Variants in C11orf65 observed in about 807,000 individuals in gnomAD.
C11orf65 encodes protein MFI.
A neutral mutation model predicts 35.3 loss-of-function variants in C11orf65; 38 were observed. The observed-to-expected ratio is 1.08, with a 90% CI of 0.83 to 1.41. The LOEUF (loss-of-function observed/expected upper bound fraction) is 1.41. C11orf65 is among the 40% of genes most tolerant of loss of function. The pLI, the probability that C11orf65 is intolerant of heterozygous loss-of-function variation, is 0.00. For synonymous variants in C11orf65, 105 were observed against 114.4 expected (o/e 0.92, Z 0.53); for missense variants, 370 against 367.1 (o/e 1.01, Z -0.06).
rs11518205 is a variant in C11orf65, at chr11:108,448,540, A to T, written c.81+12939T>A. Among the ~76,000 whole-genome samples, 921 of 152,316 alleles carry T rather than the reference A, an allele frequency of 6.0e-3. 6 individuals are homozygous for T. The highest frequency in any genetic ancestry group is 0.011 in the East Asian group (55 of 5,190). On this transcript the variant is annotated intron_variant, in intron 2 of 8. Coordinates refer to ENST00000393084, the MANE Select transcript of C11orf65 (RefSeq NM_152587.5). ...CAGAACCAAAGACAAAAAACACATGATTATCTCAATAGATTCAGAAAAGGC... is the reference window on the plus strand; with the variant it reads ...CAGAACCAAAGACAAAAAACACATGTTTATCTCAATAGATTCAGAAAAGGC...
At chr11:108,447,980 C>T (rs1402558686) in intron 2 of C11orf65, among the ~76,000 whole-genome samples, 1 of 152,176 alleles carries the variant, frequency 6.6e-6, no homozygotes, top group Admixed American at 6.5e-5. Flanking sequence ...GAAATACAAA[C>T]TACCATCAGA....
chr11:108,332,947 C>G (rs2136578664), intron 3 of C11orf65: 1 of 1,584,414 alleles, frequency 6.3e-7, no homozygotes, highest in Non-Finnish European at 8.6e-7. Flanking sequence ...CTGTGTTACT[C>G]TCTGTAGAGA....
intron 2 of C11orf65, among the ~76,000 whole-genome samples, chr11:108,341,612 G>A (rs923682259): frequency 1.3e-5 from 2 of 152,088 alleles, no homozygotes; most frequent in South Asian, 2.1e-4. Flanking sequence ...ATTTAAAAAT[G>A]TATAGAACTA....
At chr11:108,390,239 T>G (rs1434508746) in intron 7 of C11orf65, among the ~76,000 whole-genome samples, 1 of 151,852 alleles carries the variant, frequency 6.6e-6, no homozygotes, top group South Asian at 2.1e-4. Flanking sequence ...TTAGCCAGGA[T>G]AGTCTCGATC....
intron 1 of C11orf65, among the ~76,000 whole-genome samples, chr11:108,463,509 T>C (rs1405155096): frequency 6.6e-6 from 1 of 152,194 alleles, no homozygotes; most frequent in Non-Finnish European, 1.5e-5. Flanking sequence ...ATAGGAGGCA[T>C]GGGAAGACAG....
intron 6 of C11orf65, among the ~76,000 whole-genome samples, chr11:108,401,704 A>T (rs1251956244): frequency 6.6e-6 from 1 of 152,032 alleles, no homozygotes; most frequent in Middle Eastern, 3.2e-3. Flanking sequence ...AGTCCTTTGG[A>T]TGTTAATCCG....
chr11:108,341,447 G>A (rs1218788260), intron 2 of C11orf65, among the ~76,000 whole-genome samples: 1 of 152,008 alleles, frequency 6.6e-6, no homozygotes, highest in Non-Finnish European at 1.5e-5. Flanking sequence ...GAAACTTTAT[G>A]AGGGCATAGT....
chr11:108,446,539 A>G, intron 2 of C11orf65, among the ~76,000 whole-genome samples: 1 of 151,804 alleles, frequency 6.6e-6, no homozygotes, highest in South Asian at 2.1e-4. Flanking sequence ...ACTAAGCTTC[A>G]TCAGTGAAGG....
At chr11:108,460,347 A>G (rs769965148) in intron 2 of C11orf65, among the ~76,000 whole-genome samples, 178 of 152,256 alleles carry the variant, frequency 1.2e-3, no homozygotes, top group Non-Finnish European at 2.2e-3. Flanking sequence ...GAGTGAGGTC[A>G]TTTTACCTCT....
At chr11:108,463,297 A>C (rs2093494072) in intron 1 of C11orf65, among the ~76,000 whole-genome samples, 1 of 152,218 alleles carries the variant, frequency 6.6e-6, no homozygotes. Flanking sequence ...CATTCATAAG[A>C]AAAATGTATT....
chr11:108,441,107 A>T (rs1447714389), intron 2 of C11orf65, among the ~76,000 whole-genome samples: 3 of 152,326 alleles, frequency 2.0e-5, no homozygotes, highest in Non-Finnish European at 4.4e-5. Flanking sequence ...CTGGAAAATT[A>T]GGACACTCCC....
chr11:108,412,827 G>A (rs1472493522), intron 3 of C11orf65, among the ~76,000 whole-genome samples: 1 of 152,054 alleles, frequency 6.6e-6, no homozygotes, highest in African/African-American at 2.4e-5. Flanking sequence ...TTTCAGACAA[G>A]GCCAAATTAA....
chr11:108,354,714 T>C, intron 2 of C11orf65: 2 of 1,085,388 alleles, frequency 1.8e-6, no homozygotes, highest in Admixed American at 3.4e-5. Flanking sequence ...TTATTAAGCA[T>C]AGGCTCAGCA....
At chr11:108,428,658 T>C (rs2092942819) in intron 3 of C11orf65, among the ~76,000 whole-genome samples, 1 of 151,932 alleles carries the variant, frequency 6.6e-6, no homozygotes, top group African/African-American at 2.4e-5. Flanking sequence ...CTGGGGTCTG[T>C]AGAGGCGTTG....
Position 108,387,185 on chromosome 11 carries a change from G to A in C11orf65, c.732-1210C>T, listed in dbSNP as rs926402792. Among the ~76,000 whole-genome samples the A allele has an allele frequency of 2.5e-4, 25 of 98,536 alleles. 1 individual carries two copies. The South Asian group carries it at 2.8e-3, about 11-fold the overall frequency. 64.6% of individuals were successfully genotyped at this position (98,536 alleles called of 152,430 possible). A position where few individuals can be genotyped will look rare whatever the true frequency, so the allele number is the denominator to read the frequency against. On this transcript the variant is annotated intron_variant, in intron 7 of 8. Transcript: ENST00000393084. The stretch of plus-strand genomic sequence containing the variant: ...TTTTTTTTTTTTGAGACAAAATCTC[G>A]CTCTTGTGCCCTAGGCTGGAGTGTG...
intron 2 of C11orf65, among the ~76,000 whole-genome samples, chr11:108,436,287 C>T (rs962849383): frequency 2.6e-5 from 4 of 152,054 alleles, no homozygotes; most frequent in Non-Finnish European, 2.9e-5. Context: ...CCTCCAGAAC[C>T]GTAAGATAAT....
At chr11:108,418,303 T>C (rs1255819174) in intron 3 of C11orf65, among the ~76,000 whole-genome samples, 1 of 152,110 alleles carries the variant, frequency 6.6e-6, no homozygotes, top group African/African-American at 2.4e-5. Context: ...AAAAAATATA[T>C]ATTCTTTTCA....
intron 2 of C11orf65, among the ~76,000 whole-genome samples, chr11:108,371,137 T>C (rs571827232): frequency 2.0e-5 from 3 of 152,128 alleles, no homozygotes; most frequent in Admixed American, 6.5e-5. Flanking sequence ...GACAGAAACA[T>C]AGGAGAGAAG....
chr11:108,399,037 GAAC>G (rs1198608628), intron 6 of C11orf65, among the ~76,000 whole-genome samples: 1 of 152,114 alleles, frequency 6.6e-6, no homozygotes, highest in African/African-American at 2.4e-5. Context: ...ACTGTAGCCA[GAAC>G]AACTTTGGTG....
Sources: allele counts gnomAD v4.1 joint callset (sites outside exome capture counted in the v4.1 genomes callset), GRCh38; gene constraint gnomAD v4.1.1; transcripts MANE v1.5; gene names NCBI Gene and HGNC (gene_info 2026-07-23, HGNC 2026-07-21).